ANO2: variants seen among roughly 807,000 people sequenced by gnomAD.
ANO2 encodes the protein anoctamin 2.
Under a neutral mutation model 124.2 loss-of-function variants are expected in ANO2, and 101 were observed. The observed-to-expected ratio is 0.81, with a 90% confidence interval of 0.69 to 0.96. ANO2 has a LOEUF of 0.96. ANO2 is among the 40% of genes least tolerant of loss of function. The pLI is 0.00. For missense variants in ANO2, 1,293 were observed against 1,274.5 expected, an observed-to-expected ratio of 1.01 and a Z score of -0.22; for synonymous variants, 486 against 482.5, an observed-to-expected ratio of 1.01 and a Z score of -0.09.
At position 5,575,899 on chromosome 12, in the gene ANO2, G is replaced by A; in HGVS notation, c.2556C>T (p.Val852=). The part of the protein sequence containing the change: ...FVNHTLSFFN[V]SQLKEGTQPE... The stretch of plus-strand genomic sequence containing the variant: ...GCTGCGTCCCCTCCTTCAGCTGGCT[G>A]ACGTTGAAAAAGGAGAGGGTGTGGT... Residue 852 remains valine, a synonymous_variant, in exon 23 of 25, where the codon GTC becomes GTT. Coordinates refer to ENST00000682330, the MANE Select transcript of ANO2 (RefSeq NM_001364791.2). 6.2e-7 allele frequency: 1 copy of A among 1,613,832 alleles called. No individual in the cohort carries two copies. Among genetic ancestry groups the A allele is most frequent in the Non-Finnish European group, 8.5e-7 (1 of 1,179,836 alleles).
chr12:5,841,987 G>A (rs1033828307), intron 4 of ANO2, among the ~76,000 whole-genome samples: 8 of 151,906 alleles, frequency 5.3e-5, no homozygotes, highest in African/African-American at 1.7e-4. Flanking sequence ...TTCCCACCTC[G>A]GCCTCCTGAG....
Position 5,806,109 on chromosome 12 carries a change from G to T in ANO2, c.949-16C>A. 1 of 1,612,360 alleles carries T rather than the reference G, an allele frequency of 6.2e-7. No individual in the cohort carries two copies. Among genetic ancestry groups the T allele is most frequent in the Non-Finnish European group, 8.5e-7 (1 of 1,179,252 alleles). The stretch of plus-strand genomic sequence containing the variant: ...CGTATTCACCCTGTGGAGAAAAAGT[G>T]ATGCTGGATAAAGCCAATGAAATTA... On this transcript the variant is annotated splice_polypyrimidine_tract_variant and intron_variant, in intron 8 of 24. Transcript: ENST00000682330.
intron 4 of ANO2, 31 bp from the exon 5 acceptor site, chr12:5,832,634 G>C: frequency 1.3e-6 from 2 of 1,589,940 alleles, no homozygotes; most frequent in Non-Finnish European, 1.7e-6. Flanking sequence ...GGTCTGAAAA[G>C]GGGGCCACTT....
chr12:5,897,442 T>A (rs1013737599), intron 3 of ANO2, among the ~76,000 whole-genome samples: 6 of 152,150 alleles, frequency 3.9e-5, no homozygotes, highest in Admixed American at 3.9e-4. Flanking sequence ...TGGAGTAGGC[T>A]GAGTGACAGG....
intron 7 of ANO2, among the ~76,000 whole-genome samples, chr12:5,818,266 T>C (rs1267815209): frequency 1.3e-5 from 2 of 151,720 alleles, no homozygotes; most frequent in Admixed American, 6.6e-5. Context: ...AGCTACAATA[T>C]AAAGCAGACA....
chr12:5,642,787 G>A (rs1280534516), intron 15 of ANO2, among the ~76,000 whole-genome samples: 1 of 152,038 alleles, frequency 6.6e-6, no homozygotes, highest in East Asian at 1.9e-4. Context: ...GTGTCTCCCT[G>A]TGCACTCCCC....
At chr12:5,827,927 T>C in intron 6 of ANO2, 107 bp from the exon 7 acceptor site, 1 of 1,259,354 alleles carries the variant, frequency 7.9e-7, no homozygotes, top group Non-Finnish European at 1.1e-6. Flanking sequence ...CCGGGCTCAT[T>C]TGGAGCCAGG....
intron 4 of ANO2, among the ~76,000 whole-genome samples, chr12:5,834,711 G>A (rs1014752069): frequency 6.6e-6 from 1 of 152,134 alleles, no homozygotes; most frequent in Non-Finnish European, 1.5e-5. Flanking sequence ...CACAGTTCAG[G>A]TAAACGAACA....
At chr12:5,751,454 G>A (rs989019503) in intron 10 of ANO2, among the ~76,000 whole-genome samples, 5 of 152,140 alleles carry the variant, frequency 3.3e-5, no homozygotes, top group Admixed American at 1.3e-4. Context: ...ACTGAAAAAC[G>A]ACTAGAAGAA....
At chr12:5,933,978 C>T (rs573698897) in intron 1 of ANO2, among the ~76,000 whole-genome samples, 31 of 152,254 alleles carry the variant, frequency 2.0e-4, no homozygotes, top group African/African-American at 6.5e-4. Flanking sequence ...TTGGAGGTAA[C>T]GATGTAGGGA....
chr12:5,887,051 A>C (rs1470938272), intron 3 of ANO2, among the ~76,000 whole-genome samples: 2 of 152,250 alleles, frequency 1.3e-5, no homozygotes, highest in African/African-American at 4.8e-5. Context: ...TTAATGCCAC[A>C]AAACTATACA....
chr12:5,911,345 G>T (rs961295809), intron 3 of ANO2, among the ~76,000 whole-genome samples: 2 of 152,134 alleles, frequency 1.3e-5, no homozygotes, highest in Non-Finnish European at 2.9e-5. Flanking sequence ...CAGCTGCTGT[G>T]ACTGCCCAAC....
At chr12:5,781,462 T>C (rs988074091) in intron 10 of ANO2, among the ~76,000 whole-genome samples, 8 of 152,230 alleles carry the variant, frequency 5.3e-5, no homozygotes, top group African/African-American at 1.9e-4. Context: ...ATTGACAAAG[T>C]TCTATCTCTA....
intron 20 of ANO2, among the ~76,000 whole-genome samples, chr12:5,586,356 G>A (rs1321848368): frequency 6.6e-6 from 1 of 152,198 alleles, no homozygotes; most frequent in East Asian, 1.9e-4. Flanking sequence ...AACGCCATTT[G>A]GAGAAGATGG....
chr12:5,924,689 T>G (rs896563241), intron 1 of ANO2, among the ~76,000 whole-genome samples: 1 of 152,248 alleles, frequency 6.6e-6, no homozygotes, highest in African/African-American at 2.4e-5. Flanking sequence ...GCAGCTACTC[T>G]ATATTCACCT....
intron 1 of ANO2, among the ~76,000 whole-genome samples, chr12:5,930,135 T>C (rs1942292746): frequency 7.5e-6 from 1 of 133,806 alleles, no homozygotes; most frequent in South Asian, 2.4e-4. Flanking sequence ...CCTTCCTTAC[T>C]AGTCTGTCTT....
intron 3 of ANO2, among the ~76,000 whole-genome samples, chr12:5,918,955 A>G (rs1196543649): frequency 6.6e-6 from 1 of 152,180 alleles, no homozygotes; most frequent in African/African-American, 2.4e-5. Context: ...AGGTTCAGGG[A>G]GGTCACTCAT....
chr12:5,923,099 CACAT>C (rs1565783565), intron 1 of ANO2, among the ~76,000 whole-genome samples: 1 of 66,250 alleles, frequency 1.5e-5, no homozygotes, highest in African/African-American at 3.7e-5. Context: ...CACACGCACA[CACAT>C]ACACACACAT....
chr12:5,637,521 G>A (rs1272125000), intron 15 of ANO2, among the ~76,000 whole-genome samples: 2 of 139,178 alleles, frequency 1.4e-5, no homozygotes, highest in African/African-American at 2.7e-5. Context: ...CTAAACTAGA[G>A]AAGGAAGAAC....
Sources: allele counts gnomAD v4.1 joint callset (sites outside exome capture counted in the v4.1 genomes callset), GRCh38; gene constraint gnomAD v4.1.1; transcripts MANE v1.5; gene names NCBI Gene and HGNC (gene_info 2026-07-23, HGNC 2026-07-21).